MMP16: variants seen among roughly 807,000 people sequenced by gnomAD.
MMP16 encodes the protein matrix metallopeptidase 16, also known as matrix metalloproteinase-16.
In MMP16, 12 loss-of-function variants were observed where a neutral mutation model predicts 67.8. That is an observed-to-expected ratio of 0.18 (90% CI 0.11 to 0.29). MMP16 has a LOEUF of 0.29. Ranked by LOEUF, MMP16 falls within the 10% of genes least tolerant of loss-of-function variation. The pLI is 1.00. For missense variants in MMP16, 475 were observed against 765.7 expected, an observed-to-expected ratio of 0.62 and a Z score of 4.48; for synonymous variants, 249 against 255.9, an observed-to-expected ratio of 0.97 and a Z score of 0.26.
chr8:88,255,109 C>A (rs1810281407), intron 1 of MMP16, among the ~76,000 whole-genome samples: 1 of 152,152 alleles, frequency 6.6e-6, no homozygotes, highest in Non-Finnish European at 1.5e-5. Flanking sequence ...TAATATTGGA[C>A]ATGGGGCCTG....
chr8:88,290,344 A>AT (rs1371238116), intron 1 of MMP16, among the ~76,000 whole-genome samples: 30 of 152,168 alleles, frequency 2.0e-4, no homozygotes, highest in Admixed American at 3.9e-4. Context: ...CGAGATCAGG[A>AT]GGTCGAGGCC....
intron 1 of MMP16, among the ~76,000 whole-genome samples, chr8:88,295,833 C>T (rs1811004352): frequency 6.6e-6 from 1 of 152,016 alleles, no homozygotes; most frequent in Non-Finnish European, 1.5e-5. Flanking sequence ...TAATACGTTG[C>T]TTTACAAGAC....
chr8:88,265,368 C>A (rs1176249079), intron 1 of MMP16, among the ~76,000 whole-genome samples: 1 of 151,384 alleles, frequency 6.6e-6, no homozygotes, highest in African/African-American at 2.4e-5. Context: ...CTCAAGCATT[C>A]AATATACTAT....
At chr8:88,133,799 C>T (rs556175100) in intron 4 of MMP16, among the ~76,000 whole-genome samples, 72 of 151,824 alleles carry the variant, frequency 4.7e-4, no homozygotes, top group African/African-American at 1.6e-3. Context: ...TATCATGGTT[C>T]GCATTATAAC....
intron 1 of MMP16, among the ~76,000 whole-genome samples, chr8:88,273,351 A>G (rs1810597011): frequency 6.7e-6 from 1 of 149,172 alleles, no homozygotes; most frequent in Non-Finnish European, 1.5e-5. Context: ...TCAGCCTCCC[A>G]AAGTGTTGGG....
intron 1 of MMP16, among the ~76,000 whole-genome samples, chr8:88,309,944 A>G: frequency 6.6e-6 from 1 of 152,116 alleles, no homozygotes; most frequent in East Asian, 1.9e-4. Flanking sequence ...TTACATGCTA[A>G]TGGACACAGC....
At chr8:88,278,361 G>C (rs1240565630) in intron 1 of MMP16, among the ~76,000 whole-genome samples, 1 of 152,138 alleles carries the variant, frequency 6.6e-6, no homozygotes, top group Non-Finnish European at 1.5e-5. Context: ...GCCACATTTG[G>C]TTCTAAGACC....
chr8:88,048,079 T>C (rs955099018), intron 8 of MMP16, among the ~76,000 whole-genome samples: 4 of 152,086 alleles, frequency 2.6e-5, no homozygotes, highest in African/African-American at 9.7e-5. Context: ...TGTCATTCAG[T>C]AAGGTAAGGA....
intron 3 of MMP16, among the ~76,000 whole-genome samples, chr8:88,177,926 G>GAT (rs34497805): frequency 1.3e-4 from 19 of 150,388 alleles, no homozygotes; most frequent in Admixed American, 2.7e-4. Flanking sequence ...TTAAAGATGA[G>GAT]ATATATATAT....
chr8:88,236,845 C>T (rs1303109356), intron 1 of MMP16, among the ~76,000 whole-genome samples: 1 of 90,588 alleles, frequency 1.1e-5, no homozygotes, highest in Non-Finnish European at 1.9e-5. Flanking sequence ...CACTGCTCAT[C>T]TCACCTGTTC....
chr8:88,112,512 T>C (rs1255785451), intron 6 of MMP16, among the ~76,000 whole-genome samples: 1 of 151,820 alleles, frequency 6.6e-6, no homozygotes, highest in Non-Finnish European at 1.5e-5. Context: ...TCACCTTTTC[T>C]AGGATAAGGA....
At chr8:88,186,388 T>A in intron 3 of MMP16, 88 bp downstream of exon 3, 1 of 1,514,316 alleles carries the variant, frequency 6.6e-7, no homozygotes. Context: ...TAACATGTAG[T>A]CAACGTGCAG....
At chr8:88,249,752 C>A in intron 1 of MMP16, among the ~76,000 whole-genome samples, 1 of 152,086 alleles carries the variant, frequency 6.6e-6, no homozygotes. Flanking sequence ...GAGCTCCACA[C>A]CACAAAATCA....
intron 1 of MMP16, among the ~76,000 whole-genome samples, chr8:88,249,135 C>T (rs934331020): frequency 2.0e-5 from 3 of 152,036 alleles, no homozygotes; most frequent in East Asian, 3.9e-4. Flanking sequence ...GGCAGACAAA[C>T]CACCAAGATA....
chr8:88,294,274 A>G (rs1190054723), intron 1 of MMP16, among the ~76,000 whole-genome samples: 1 of 145,894 alleles, frequency 6.9e-6, no homozygotes, highest in Non-Finnish European at 1.5e-5. Context: ...GTATATCTAT[A>G]TATACACACA....
At chr8:88,247,865 C>A (rs1290255375) in intron 1 of MMP16, among the ~76,000 whole-genome samples, 1 of 151,964 alleles carries the variant, frequency 6.6e-6, no homozygotes, top group Non-Finnish European at 1.5e-5. Context: ...TACATTTCCT[C>A]CCCCTACTCT....
At chr8:88,244,051 G>A (rs892994748) in intron 1 of MMP16, among the ~76,000 whole-genome samples, 1 of 9,542 alleles carries the variant, frequency 1.0e-4, no homozygotes, top group African/African-American at 1.1e-4. Flanking sequence ...AATTCATCCA[G>A]TGAAAAGTTC....
intron 1 of MMP16, among the ~76,000 whole-genome samples, chr8:88,220,777 C>G (rs915637399): frequency 1.3e-5 from 2 of 152,084 alleles, no homozygotes; most frequent in Admixed American, 1.3e-4. Flanking sequence ...GTGCTCTGTT[C>G]CACCCAAACT....
Position 88,058,801 on chromosome 8 carries a change from A to T in MMP16, c.1223-2523T>A, listed in dbSNP as rs961942575. 6.6e-6 allele frequency among the ~76,000 whole-genome samples: 1 copy of T among 152,136 alleles called. No individual in the cohort carries two copies. The highest frequency in any genetic ancestry group is 1.5e-5 in the Non-Finnish European group (1 of 67,998). On this transcript the variant is annotated intron_variant, in intron 7 of 9. Coordinates refer to ENST00000286614, the MANE Select transcript of MMP16 (RefSeq NM_005941.5). The surrounding 1 kb of genome is among the most constrained non-coding windows in gnomAD (Gnocchi z 4.2). The stretch of plus-strand genomic sequence containing the variant: ...GTAACCCCTGTAGGAGTTGAACTTT[A>T]TTCTAAATGAAATAGGAAGTCATTG...
Sources: allele counts gnomAD v4.1 joint callset (sites outside exome capture counted in the v4.1 genomes callset), GRCh38; gene constraint gnomAD v4.1.1; non-coding constraint Gnocchi (gnomAD v3.1); transcripts MANE v1.5; gene names NCBI Gene and HGNC (gene_info 2026-07-23, HGNC 2026-07-21).